Variants in WDFY2 observed in about 807,000 individuals in gnomAD.
WDFY2 encodes the protein WD repeat and FYVE domain-containing protein 2.
WDFY2 carries 36 observed loss-of-function variants against 56.4 expected under a neutral mutation model. That is an observed-to-expected ratio of 0.64 (90% CI 0.49 to 0.84). The LOEUF is 0.84. WDFY2 is among the 40% of genes least tolerant of loss of function. WDFY2 has a pLI of 0.00. For missense variants in WDFY2, 444 were observed against 512.2 expected (o/e 0.87, Z 1.29); for synonymous variants, 176 against 183.7 (o/e 0.96, Z 0.34).
intron 3 of WDFY2, among the ~76,000 whole-genome samples, chr13:51,694,804 C>T (rs1393030015): frequency 6.6e-6 from 1 of 152,148 alleles, no homozygotes; most frequent in Non-Finnish European, 1.5e-5. Context: ...TTTTCCCCGT[C>T]ACTTTCAGGT....
chr13:51,587,454 T>C (rs1953965682), intron 1 of WDFY2: 1 of 152,226 alleles, frequency 6.6e-6, no homozygotes, highest in South Asian at 2.1e-4. Context: ...TTAACTACTG[T>C]AGACTTTTAG....
intron 1 of WDFY2, among the ~76,000 whole-genome samples, chr13:51,652,387 G>A (rs560417091): frequency 1.3e-5 from 2 of 152,264 alleles, no homozygotes; most frequent in Admixed American, 1.3e-4. Flanking sequence ...TTTAATTGGA[G>A]CATTTAGCCC....
At chr13:51,638,990 A>AT (rs1955106589) in intron 1 of WDFY2, among the ~76,000 whole-genome samples, 1 of 152,212 alleles carries the variant, frequency 6.6e-6, no homozygotes, top group African/African-American at 2.4e-5. Flanking sequence ...AAAAACAAAA[A>AT]TAAGGGCTAA....
chr13:51,718,178 G>C (rs1380658180), intron 4 of WDFY2, among the ~76,000 whole-genome samples: 1 of 152,166 alleles, frequency 6.6e-6, no homozygotes, highest in African/African-American at 2.4e-5. Flanking sequence ...CCACAGTCAT[G>C]ATGAGTGTGT....
intron 1 of WDFY2, among the ~76,000 whole-genome samples, chr13:51,595,497 G>A (rs183792845): frequency 2.0e-4 from 31 of 152,178 alleles, no homozygotes; most frequent in Admixed American, 7.9e-4. Context: ...TGAAATTATC[G>A]CCTGCAGACC....
chr13:51,729,226 A>G (rs1352664934), intron 6 of WDFY2, among the ~76,000 whole-genome samples: 1 of 151,964 alleles, frequency 6.6e-6, no homozygotes, highest in African/African-American at 2.4e-5. Flanking sequence ...GGCTTAGACC[A>G]TCATTACCAT....
At position 51,632,942 on chromosome 13, in the gene WDFY2, C is replaced by A. The variant is rs1171117129; in HGVS notation, c.138-27654C>A. On this transcript the variant is annotated intron_variant, in intron 1 of 11. Coordinates refer to ENST00000298125, the MANE Select transcript of WDFY2 (RefSeq NM_052950.4). Reference sequence around the variant, plus strand: ...AGGTCATTATTCAGTTCTTTTCATTCCAGGCAAAAATAGGGAAAAACGTTA... The same window carrying A: ...AGGTCATTATTCAGTTCTTTTCATTACAGGCAAAAATAGGGAAAAACGTTA... Among the ~76,000 whole-genome samples, 4 of 151,940 alleles carry A rather than the reference C, an allele frequency of 2.6e-5. No individual in the cohort carries two copies. The East Asian group carries it at 5.8e-4, about 22-fold the overall frequency.
chr13:51,755,394 T>C lies in WDFY2; in HGVS notation c.868T>C (p.Cys290Arg), dbSNP rs1165640954. 1.2e-6 allele frequency: 2 copies of C among 1,614,178 alleles called. No individual in the cohort carries two copies. Among genetic ancestry groups the C allele is most frequent in the Admixed American group, 3.3e-5 (2 of 60,030 alleles). Reference sequence around the variant, plus strand: ...GTTGGACAGTGATTCCTGCCAAAAGTGTGATCAGCCTTTCTTCTGGAACTT... The same window carrying C: ...GTTGGACAGTGATTCCTGCCAAAAGCGTGATCAGCCTTTCTTCTGGAACTT... ...EWLDSDSCQK[C>R]DQPFFWNFKQ... The change falls in exon 9 of 12, where the codon TGT (cysteine) becomes CGT (arginine). Residue 290 changes from cysteine to arginine, a missense_variant. By Grantham distance (180) the Cys-to-Arg change is radical. Transcript: ENST00000298125.
chr13:51,747,028 C>T (rs542792478), intron 7 of WDFY2, among the ~76,000 whole-genome samples: 4 of 152,384 alleles, frequency 2.6e-5, no homozygotes, highest in Admixed American at 2.0e-4. Flanking sequence ...GCTCAGCGGC[C>T]TGTGCCAAAG....
chr13:51,623,609 C>G (rs1954783113), intron 1 of WDFY2, among the ~76,000 whole-genome samples: 1 of 152,068 alleles, frequency 6.6e-6, no homozygotes, highest in Non-Finnish European at 1.5e-5. Context: ...TTACAAGTAG[C>G]CTCTCAACAG....
intron 1 of WDFY2, among the ~76,000 whole-genome samples, chr13:51,611,233 A>G (rs1391540015): frequency 1.3e-5 from 2 of 152,336 alleles, no homozygotes; most frequent in Admixed American, 1.3e-4. Flanking sequence ...TGAATGTAAA[A>G]TGGAAGTATG....
chr13:51,697,935 T>C, intron 3 of WDFY2, among the ~76,000 whole-genome samples: 1 of 152,236 alleles, frequency 6.6e-6, no homozygotes, highest in East Asian at 1.9e-4. Flanking sequence ...AAAAGCTTCT[T>C]AATCCATTTT....
In WDFY2 at chr13:51,767,633, C is replaced by G. The variant is rs775854845; in HGVS notation, c.*7864C>G. On this transcript the variant is annotated 3_prime_UTR_variant, in exon 12 of 12. Transcript: ENST00000298125. ...TTTATCAAAGTGTAGTACCAGAATGCCAGATGCATTACTGAAGCCACTCCT... is the reference window on the plus strand; with the variant it reads ...TTTATCAAAGTGTAGTACCAGAATGGCAGATGCATTACTGAAGCCACTCCT... 7 of 153,600 alleles carry G rather than the reference C, an allele frequency of 4.6e-5. No homozygotes were observed. The highest frequency in any genetic ancestry group is 1.7e-4 in the African/African-American group (7 of 41,416). The allele number at this position is 153,600 out of a possible 1,614,324, so 9.5% of individuals were successfully genotyped here.
At chr13:51,640,780 G>A (rs920133897) in intron 1 of WDFY2, among the ~76,000 whole-genome samples, 4 of 150,776 alleles carry the variant, frequency 2.7e-5, no homozygotes, top group South Asian at 2.1e-4. Flanking sequence ...AACCCAGGAG[G>A]CAGAGGTTGC....
chr13:51,624,124 A>G (rs1021832841), intron 1 of WDFY2, among the ~76,000 whole-genome samples: 3 of 152,184 alleles, frequency 2.0e-5, no homozygotes, highest in African/African-American at 7.2e-5. Context: ...ATCAGAGGCT[A>G]CTCAAGGCAT....
chr13:51,653,940 C>T (rs1327192043), intron 1 of WDFY2, among the ~76,000 whole-genome samples: 3 of 152,224 alleles, frequency 2.0e-5, no homozygotes, highest in African/African-American at 7.2e-5. Context: ...GGCTGTCAGA[C>T]AGGGACATGT....
intron 1 of WDFY2, among the ~76,000 whole-genome samples, chr13:51,622,922 A>G (rs1954764574): frequency 7.0e-6 from 1 of 143,372 alleles, no homozygotes; most frequent in African/African-American, 2.7e-5. Context: ...TGGTGGTACG[A>G]TCTCGGCTCA....
At chr13:51,737,973 T>TA (rs560647387) in intron 6 of WDFY2, among the ~76,000 whole-genome samples, 214 of 152,296 alleles carry the variant, frequency 1.4e-3, no homozygotes, top group African/African-American at 4.9e-3. Context: ...TTTTTGATCT[T>TA]AAAAAATGTC....
At chr13:51,673,069 C>T (rs1194600071) in intron 2 of WDFY2, among the ~76,000 whole-genome samples, 1 of 152,128 alleles carries the variant, frequency 6.6e-6, no homozygotes, top group East Asian at 1.9e-4. Context: ...TCCATGATGG[C>T]AGCAGTAATA....
Sources: gnomAD v4.1 joint callset for allele counts (sites outside exome capture counted in the v4.1 genomes callset) on GRCh38, gnomAD v4.1.1 for gene constraint, MANE v1.5 for transcripts, NCBI Gene and HGNC (gene_info 2026-07-23, HGNC 2026-07-21) for gene names.